The following EIPR1 variants were observed in gnomAD, a reference collection of about 807,000 sequenced individuals.
The protein encoded by EIPR1 is EARP complex and GARP complex interacting protein 1.
Under a neutral mutation model 48.1 loss-of-function variants are expected in EIPR1, and 25 were observed. The observed-to-expected ratio is 0.52, with a 90% CI of 0.38 to 0.73. The LOEUF is 0.73. Among genes scored for constraint, EIPR1 ranks in the 30% least tolerant of loss-of-function variants. EIPR1 has a pLI of 0.00. For synonymous variants in EIPR1, 204 were observed against 201.9 expected, an observed-to-expected ratio of 1.01 and a Z score of -0.09; for missense variants, 415 against 506.2, an observed-to-expected ratio of 0.82 and a Z score of 1.73.
intron 3 of EIPR1, among the ~76,000 whole-genome samples, chr2:3,263,288 G>T (rs1667389957): frequency 6.6e-6 from 1 of 152,132 alleles, no homozygotes; most frequent in Non-Finnish European, 1.5e-5. Flanking sequence ...CCTGGTGACT[G>T]GTTAGAAGCC....
At chr2:3,265,801 T>C (rs1363700723) in intron 3 of EIPR1, among the ~76,000 whole-genome samples, 1 of 152,216 alleles carries the variant, frequency 6.6e-6, no homozygotes, top group Non-Finnish European at 1.5e-5. Context: ...AGCCCCTTCA[T>C]TTCACAAATG....
At chr2:3,373,387 T>C (rs1383128880) in intron 1 of EIPR1, among the ~76,000 whole-genome samples, 1 of 151,914 alleles carries the variant, frequency 6.6e-6, no homozygotes, top group East Asian at 1.9e-4. Context: ...CCAGGGCAAT[T>C]AGGCAGAAGG....
At chr2:3,216,129 C>A (rs1488443374) in intron 4 of EIPR1, among the ~76,000 whole-genome samples, 1 of 152,128 alleles carries the variant, frequency 6.6e-6, no homozygotes, top group Non-Finnish European at 1.5e-5. Flanking sequence ...AGGTAGAGTT[C>A]GGACAGCTTG....
chr2:3,333,153 T>C (rs192997517), intron 3 of EIPR1, among the ~76,000 whole-genome samples: 2 of 152,186 alleles, frequency 1.3e-5, no homozygotes, highest in Admixed American at 6.5e-5. Context: ...GGTTTCTCGC[T>C]TGCATTTTAA....
At chr2:3,306,518 T>A (rs183353495) in intron 3 of EIPR1, among the ~76,000 whole-genome samples, 2 of 152,212 alleles carry the variant, frequency 1.3e-5, no homozygotes, top group African/African-American at 4.8e-5. Flanking sequence ...CCCAAAAACT[T>A]AACTACTAAT....
At chr2:3,368,441 T>G (rs1671029192) in intron 1 of EIPR1, among the ~76,000 whole-genome samples, 1 of 152,178 alleles carries the variant, frequency 6.6e-6, no homozygotes, top group African/African-American at 2.4e-5. Flanking sequence ...AGTTGGCAGA[T>G]GTAGCCCTCA....
intron 3 of EIPR1, among the ~76,000 whole-genome samples, chr2:3,333,558 G>A (rs910646384): frequency 2.6e-5 from 4 of 152,018 alleles, no homozygotes. Context: ...GCAACACAGT[G>A]AGACCTCATC....
Position 3,286,318 on chromosome 2 carries a change from C to A in EIPR1, c.260-28863G>T, listed in dbSNP as rs1340028541. Among the ~76,000 whole-genome samples the A allele has an allele frequency of 6.6e-6, 1 of 152,232 alleles. No individual in the cohort carries two copies. Among genetic ancestry groups the A allele is most frequent in the Non-Finnish European group, 1.5e-5 (1 of 68,036 alleles). ...CCTGCCTGTGTATGACGTGTACACA[C>A]ACTGCTCCTGTGTAAACGTGTGGCC... On this transcript the variant is annotated intron_variant, in intron 3 of 8. Transcript: ENST00000382125. The surrounding 1 kb of genome is among the most constrained non-coding windows in gnomAD (Gnocchi z 4.2).
At chr2:3,369,375 C>G (rs1045612477) in intron 1 of EIPR1, among the ~76,000 whole-genome samples, 2 of 152,198 alleles carry the variant, frequency 1.3e-5, no homozygotes, top group Non-Finnish European at 2.9e-5. Context: ...GAGTGCCAGA[C>G]AGTGGGCGCA....
intron 4 of EIPR1, among the ~76,000 whole-genome samples, chr2:3,219,214 A>G (rs1665771385): frequency 6.6e-6 from 1 of 150,788 alleles, no homozygotes; most frequent in Non-Finnish European, 1.5e-5. Flanking sequence ...TCAGGTGCAC[A>G]CCCAGCATGG....
At chr2:3,351,514 C>T (rs1265462559) in intron 2 of EIPR1, among the ~76,000 whole-genome samples, 6 of 152,140 alleles carry the variant, frequency 3.9e-5, no homozygotes, top group Non-Finnish European at 2.9e-5. Flanking sequence ...GGCAGACTGG[C>T]GTGCCTCCCA....
chr2:3,204,784 G>T (rs971729812), intron 5 of EIPR1, among the ~76,000 whole-genome samples: 5 of 152,180 alleles, frequency 3.3e-5, no homozygotes, highest in African/African-American at 1.2e-4. Flanking sequence ...GACAAGGGTG[G>T]CTTGATTTGG....
chr2:3,196,927 T>G lies in EIPR1; in HGVS notation c.607A>C (p.Thr203Pro). The G allele has an allele frequency of 6.2e-7, 1 of 1,613,960 alleles. No individual in the cohort carries two copies. The highest frequency in any genetic ancestry group is 8.5e-7 in the Non-Finnish European group (1 of 1,180,028). ...SPHHNCTQVATANDTTLRGWD... is the reference protein window; with the variant it reads ...SPHHNCTQVAPANDTTLRGWD... ...CCACGGAGGGTGGTGTCGTTCGCTG[T>G]GGCCACCTGGGTGCAGTTATGATGT... The change falls in exon 6 of 9, where the codon ACA (threonine) becomes CCA (proline). Residue 203 changes from threonine to proline, a missense_variant. Coordinates refer to ENST00000382125, the MANE Select transcript of EIPR1 (RefSeq NM_003310.5).
intron 5 of EIPR1, among the ~76,000 whole-genome samples, chr2:3,207,450 C>A (rs1487326158): frequency 1.3e-5 from 2 of 152,210 alleles, no homozygotes; most frequent in Non-Finnish European, 2.9e-5. Context: ...TCCAGCAAAA[C>A]TTGAAGTCTT....
At chr2:3,293,344 C>T (rs985912075) in intron 3 of EIPR1, among the ~76,000 whole-genome samples, 3 of 152,136 alleles carry the variant, frequency 2.0e-5, no homozygotes, top group Admixed American at 1.3e-4. Flanking sequence ...TCAGGAGGGG[C>T]GTGGTGGAAG....
At chr2:3,239,409 G>A (rs1483730163) in intron 4 of EIPR1, among the ~76,000 whole-genome samples, 4 of 152,230 alleles carry the variant, frequency 2.6e-5, no homozygotes, top group African/African-American at 4.8e-5. Context: ...TTAGTAAAAT[G>A]ACCATCTCTG....
chr2:3,191,300 T>C (rs1250038133), intron 8 of EIPR1, among the ~76,000 whole-genome samples: 1 of 138,240 alleles, frequency 7.2e-6, no homozygotes, highest in Non-Finnish European at 1.6e-5. Flanking sequence ...CCATCGCCAC[T>C]GCAGAGAGGG....
intron 3 of EIPR1, among the ~76,000 whole-genome samples, chr2:3,330,325 G>A (rs545746482): frequency 1.6e-4 from 25 of 152,308 alleles, no homozygotes; most frequent in African/African-American, 4.3e-4. Flanking sequence ...AAAATGGCTT[G>A]CACTAGTATA....
intron 8 of EIPR1, among the ~76,000 whole-genome samples, chr2:3,190,684 T>TC (rs1488638253): frequency 6.6e-6 from 1 of 151,966 alleles, no homozygotes; most frequent in African/African-American, 2.4e-5. Context: ...AAGTGCAGAC[T>TC]CCCTGGGCCA....
Sources: allele counts gnomAD v4.1 joint callset (sites outside exome capture counted in the v4.1 genomes callset), GRCh38; gene constraint gnomAD v4.1.1; non-coding constraint Gnocchi (gnomAD v3.1); transcripts MANE v1.5; gene names NCBI Gene and HGNC (gene_info 2026-07-23, HGNC 2026-07-21).